The following SCHIP1 variants were observed in gnomAD, a reference collection of about 807,000 sequenced individuals.
SCHIP1 encodes schwannomin interacting protein 1.
SCHIP1 carries 8 observed loss-of-function variants against 29.7 expected under a neutral mutation model. The observed-to-expected ratio is 0.27, with a 90% CI of 0.16 to 0.49. The LOEUF (loss-of-function observed/expected upper bound fraction) is 0.49. Among genes scored for constraint, SCHIP1 ranks in the 20% least tolerant of loss-of-function variants. The probability of loss-of-function intolerance (pLI) is 0.99; values close to 1 mark genes in which losing one functional copy is unlikely to be tolerated. For synonymous variants in SCHIP1, 76 were observed against 94.9 expected, an observed-to-expected ratio of 0.80 and a Z score of 1.16; for missense variants, 193 against 294.6, an observed-to-expected ratio of 0.66 and a Z score of 2.52.
the SCHIP1 span, among the ~76,000 whole-genome samples, chr3:159,534,488 ATCAT>A: frequency 6.6e-6 from 1 of 152,130 alleles, no homozygotes; most frequent in Non-Finnish European, 1.5e-5. Context: ...GATTCCATGC[ATCAT>A]TCAGAGACCC....
the SCHIP1 span, among the ~76,000 whole-genome samples, chr3:159,713,233 G>GAAGGAAGA: frequency 3.2e-5 from 4 of 124,538 alleles, no homozygotes; most frequent in East Asian, 2.4e-4. Flanking sequence ...AGAAAGAAAG[G>GAAGGAAGA]AAGAAAGAAA....
the SCHIP1 span, among the ~76,000 whole-genome samples, chr3:159,561,410 T>A: frequency 6.6e-6 from 1 of 152,202 alleles, no homozygotes; most frequent in African/African-American, 2.4e-5. Context: ...CACCTTGCAG[T>A]GGTCAGGAAG....
the SCHIP1 span, among the ~76,000 whole-genome samples, chr3:159,590,243 T>G: frequency 2.1e-4 from 32 of 151,972 alleles, no homozygotes; most frequent in Non-Finnish European, 7.4e-5. Flanking sequence ...CATTTCAAAG[T>G]CAAACCCTAA....
At chr3:159,625,452 C>T in the SCHIP1 span, among the ~76,000 whole-genome samples, 25,936 of 151,892 alleles carry the variant, frequency 0.17, 6,286 homozygotes, top group African/African-American at 0.54. Context: ...AAATACGTAC[C>T]TCAAGAGCCC....
At chr3:159,866,400 CT>C (rs1714633391) in intron 2 of SCHIP1, 119 bp downstream of exon 3, 1 of 889,658 alleles carries the variant, frequency 1.1e-6, no homozygotes, top group Admixed American at 2.5e-5. Flanking sequence ...TCGCATAATA[CT>C]GCCATCTTTA....
At chr3:159,752,833 C>T in the SCHIP1 span, among the ~76,000 whole-genome samples, 1 of 152,186 alleles carries the variant, frequency 6.6e-6, no homozygotes, top group Non-Finnish European at 1.5e-5. Context: ...CAAACCGTAT[C>T]ATTTCACTTA....
the SCHIP1 span, among the ~76,000 whole-genome samples, chr3:159,725,623 C>T: frequency 2.0e-5 from 3 of 152,116 alleles, no homozygotes; most frequent in Non-Finnish European, 2.9e-5. Context: ...CCCACTCTCC[C>T]AGTGGAAAAC....
the SCHIP1 span, among the ~76,000 whole-genome samples, chr3:159,452,844 A>C: frequency 1.3e-5 from 2 of 152,184 alleles, no homozygotes; most frequent in African/African-American, 2.4e-5. Context: ...TTCTTTTATA[A>C]CAGATCTTCT....
At chr3:159,359,135 C>T in the SCHIP1 span, among the ~76,000 whole-genome samples, 1 of 151,854 alleles carries the variant, frequency 6.6e-6, no homozygotes, top group South Asian at 2.1e-4. Flanking sequence ...ACCATGTTGG[C>T]CAGGATGATC....
chr3:159,306,876 C>T, the SCHIP1 span, among the ~76,000 whole-genome samples: 6 of 152,168 alleles, frequency 3.9e-5, no homozygotes, highest in East Asian at 1.2e-3. Context: ...CAATGAAAGT[C>T]CCCTAAAACC....
chr3:159,296,070 T>C, the SCHIP1 span, among the ~76,000 whole-genome samples: 1 of 151,956 alleles, frequency 6.6e-6, no homozygotes, highest in East Asian at 1.9e-4. Flanking sequence ...TAATAAATAA[T>C]GTCATTCCCG....
chr3:159,868,883 C>CAGTTGCAACAGATT (rs1212563910), intron 2 of SCHIP1, among the ~76,000 whole-genome samples: 1 of 152,062 alleles, frequency 6.6e-6, no homozygotes, highest in Non-Finnish European at 1.5e-5. Context: ...TGTTTTCCAA[C>CAGTTGCAACAGATT]ATGGTTGCAA....
At chr3:159,708,647 A>G in the SCHIP1 span, among the ~76,000 whole-genome samples, 1 of 152,210 alleles carries the variant, frequency 6.6e-6, no homozygotes, top group East Asian at 1.9e-4. Context: ...AGGTTTTATG[A>G]AACCTTCACA....
At chr3:159,838,409 G>C (rs935301161), upstream of SCHIP1, among the ~76,000 whole-genome samples, 3 of 152,194 alleles carry the variant, frequency 2.0e-5, no homozygotes, top group Non-Finnish European at 4.4e-5. Context: ...TCTGTCAGTA[G>C]CACAGTGAAA....
the SCHIP1 span, among the ~76,000 whole-genome samples, chr3:159,762,738 G>C: frequency 2.0e-5 from 3 of 152,168 alleles, no homozygotes; most frequent in Non-Finnish European, 4.4e-5. Context: ...TCCAAGTGTT[G>C]GTATTTTTCA....
chr3:159,493,554 A>C, the SCHIP1 span, among the ~76,000 whole-genome samples: 2 of 151,982 alleles, frequency 1.3e-5, no homozygotes, highest in African/African-American at 4.8e-5. Flanking sequence ...AGAGCTAACT[A>C]TCCTAAATAT....
At chr3:159,337,345 A>G in the SCHIP1 span, among the ~76,000 whole-genome samples, 1 of 152,148 alleles carries the variant, frequency 6.6e-6, no homozygotes, top group Non-Finnish European at 1.5e-5. Flanking sequence ...AGTTCTGGCC[A>G]GGGCAGTCAG....
chr3:159,298,072 C>T, the SCHIP1 span, among the ~76,000 whole-genome samples: 1 of 152,284 alleles, frequency 6.6e-6, no homozygotes, highest in African/African-American at 2.4e-5. Context: ...CTGATGTATC[C>T]TCATTGTCCA....
the SCHIP1 span, chr3:159,273,722 T>G: frequency 6.5e-7 from 1 of 1,541,244 alleles, no homozygotes; most frequent in Non-Finnish European, 8.7e-7. Flanking sequence ...TAGACAACCT[T>G]ACTAGCTAAC....
Sources: gnomAD v4.1 joint callset for allele counts (sites outside exome capture counted in the v4.1 genomes callset) on GRCh38, gnomAD v4.1.1 for gene constraint, MANE v1.5 for transcripts, NCBI Gene and HGNC (gene_info 2026-07-23, HGNC 2026-07-21) for gene names.